Variants in NOL4L observed in about 807,000 individuals in gnomAD.
NOL4L encodes nucleolar protein 4-like.
In NOL4L, 7 loss-of-function variants were observed where a neutral mutation model predicts 64.5. That is an observed-to-expected ratio of 0.11 (90% CI 0.06 to 0.20). NOL4L has a LOEUF of 0.20. Among genes scored for constraint, NOL4L ranks in the 10% least tolerant of loss-of-function variants. NOL4L has a pLI of 1.00. For synonymous variants in NOL4L, 413 were observed against 401.0 expected (o/e 1.03, Z -0.36); for missense variants, 680 against 967.1 (o/e 0.70, Z 3.94).
intron 4 of NOL4L, among the ~76,000 whole-genome samples, chr20:32,494,998 C>T (rs571730560): frequency 2.0e-5 from 3 of 150,696 alleles, no homozygotes; most frequent in Admixed American, 6.6e-5. Context: ...TCCCATGTGG[C>T]CTTTTCTCTT....
At chr20:32,470,116 C>T (rs1379301416) in intron 5 of NOL4L, among the ~76,000 whole-genome samples, 6 of 152,268 alleles carry the variant, frequency 3.9e-5, no homozygotes, top group Non-Finnish European at 7.3e-5. Flanking sequence ...GCAGGCCCAG[C>T]GAGCAGACCC....
At position 32,488,601 on chromosome 20, in the gene NOL4L, T is replaced by C. The variant is rs1038568477; in HGVS notation, c.700-13859A>G. ...TCACTGCTTACTATTAGCAATCTCTTTTATCTCTGTCAATCTGAGGGAGGA... is the reference window on the plus strand; with the variant it reads ...TCACTGCTTACTATTAGCAATCTCTCTTATCTCTGTCAATCTGAGGGAGGA... On this transcript the variant is annotated intron_variant, in intron 4 of 10. Coordinates refer to ENST00000621426, the MANE Select transcript of NOL4L (RefSeq NM_001256798.2). Among the ~76,000 whole-genome samples the C allele has an allele frequency of 3.9e-5, 6 of 152,212 alleles. No individual in the cohort carries two copies. The East Asian group carries it at 1.2e-3, about 29-fold the overall frequency.
intron 1 of NOL4L, among the ~76,000 whole-genome samples, chr20:32,538,637 G>A (rs2018598610): frequency 6.6e-6 from 1 of 152,150 alleles, no homozygotes; most frequent in African/African-American, 2.4e-5. Flanking sequence ...GGCACCCCTG[G>A]GGCTGCTCCA....
chr20:32,525,912 C>T (rs988081255), intron 2 of NOL4L, among the ~76,000 whole-genome samples: 1 of 152,180 alleles, frequency 6.6e-6, no homozygotes, highest in African/African-American at 2.4e-5. Context: ...CATGCGCCAC[C>T]ATGCCCAGCT....
intron 6 of NOL4L, among the ~76,000 whole-genome samples, chr20:32,454,786 G>C (rs2013313270): frequency 6.6e-6 from 1 of 152,254 alleles, no homozygotes; most frequent in Non-Finnish European, 1.5e-5. Flanking sequence ...TCAGGGAACA[G>C]GTGGCGGTAT....
intron 4 of NOL4L, among the ~76,000 whole-genome samples, chr20:32,481,368 G>A (rs553388920): frequency 3.9e-5 from 6 of 152,320 alleles, no homozygotes; most frequent in African/African-American, 1.4e-4. Context: ...CAAAAGGAAG[G>A]CTGGAAGGGA....
At position 32,469,465 on chromosome 20, in the gene NOL4L, G is replaced by A. The variant is rs188441302; in HGVS notation, c.841+5136C>T. On this transcript the variant is annotated intron_variant, in intron 5 of 10. Transcript: ENST00000621426. ...CGGCTTACTGTAACCTCCGCCTCCC[G>A]GGTTCAAGCAATTCTCCTGCCTCAG... is the stretch of plus-strand genomic sequence containing the variant. 2.0e-3 allele frequency among the ~76,000 whole-genome samples: 309 copies of A among 151,372 alleles called. 1 individual carries two copies. The highest frequency in any genetic ancestry group is 6.9e-3 in the African/African-American group (284 of 41,198).
Position 32,526,503 on chromosome 20 carries a change from A to G in NOL4L, c.477+1255T>C, listed in dbSNP as rs1288148266. ...CAAGGACTAACCGGATGGTTGCATT[A>G]AAAAAAAAAAAAAAAAGATGGGCCA... On this transcript the variant is annotated intron_variant, in intron 2 of 10. Transcript: ENST00000621426. Among the ~76,000 whole-genome samples, 5 of 116,192 alleles carry G rather than the reference A, an allele frequency of 4.3e-5. No homozygotes were observed. In the East Asian group the frequency reaches 1.1e-3, roughly 25 times the overall value. 76.2% of individuals were successfully genotyped at this position (116,192 alleles called of 152,430 possible). A position where few individuals can be genotyped will look rare whatever the true frequency, so the allele number is the denominator to read the frequency against.
At chr20:32,503,944 C>T (rs1020496594) in intron 4 of NOL4L, among the ~76,000 whole-genome samples, 5 of 151,818 alleles carry the variant, frequency 3.3e-5, no homozygotes, top group Non-Finnish European at 5.9e-5. Context: ...TTGTAAATAC[C>T]CAATGCCATT....
chr20:32,467,066 G>C lies in NOL4L; in HGVS notation c.841+7535C>G, dbSNP rs548037922. Among the ~76,000 whole-genome samples, 26 of 152,280 alleles carry C rather than the reference G, an allele frequency of 1.7e-4. 1 individual carries two copies. In the South Asian group the frequency reaches 5.4e-3, roughly 32 times the overall value. On this transcript the variant is annotated intron_variant, in intron 5 of 10. Coordinates refer to ENST00000621426, the MANE Select transcript of NOL4L (RefSeq NM_001256798.2). Reference sequence around the variant, plus strand: ...GTCTCTGAGCCCGGGTGGCCTGGTCGTTACTCCCACCAGCTCCTTCCCCAT... The same window carrying C: ...GTCTCTGAGCCCGGGTGGCCTGGTCCTTACTCCCACCAGCTCCTTCCCCAT...
At chr20:32,527,713 C>T (rs1426065773) in intron 2 of NOL4L, 45 bp downstream of exon 2, 7 of 1,514,698 alleles carry the variant, frequency 4.6e-6, no homozygotes, top group Non-Finnish European at 6.2e-6. Context: ...GGCCTCCTGC[C>T]AAGGCCTGGG....
At chr20:32,578,141 A>AAGGAAGGAAGGAGGGAGGGT (rs1980238964) in intron 1 of NOL4L, among the ~76,000 whole-genome samples, 1 of 53,662 alleles carries the variant, frequency 1.9e-5, no homozygotes, top group Non-Finnish European at 3.2e-5. Flanking sequence ...GGAAGGAAGG[A>AAGGAAGGAAGGAGGGAGGGT]GGGAGGGAGG....
chr20:32,580,852 C>T (rs1230595152), intron 1 of NOL4L, among the ~76,000 whole-genome samples: 1 of 152,240 alleles, frequency 6.6e-6, no homozygotes, highest in Non-Finnish European at 1.5e-5. Context: ...CCCAGGGCCC[C>T]ACCTCAGCCG....
In NOL4L at chr20:32,456,251, TCGG is replaced by T. The variant is rs756958513; in HGVS notation, c.983_985del (p.Ala328del). On this transcript the variant is annotated inframe_deletion, in exon 6 of 11. Coordinates refer to ENST00000621426, the MANE Select transcript of NOL4L (RefSeq NM_001256798.2). ...GTCACACAGGTTGATGGGCTGATCC[TCGG>T]CGGCCGTGGTGAAGTCCATGGGGGC... The T allele has an allele frequency of 3.7e-6, 6 of 1,605,692 alleles. No individual in the cohort carries two copies. The African/African-American group carries it at 6.7e-5, about 18-fold the overall frequency.
intron 1 of NOL4L, among the ~76,000 whole-genome samples, chr20:32,552,377 A>AT (rs11478999): frequency 6.3e-4 from 93 of 148,250 alleles, no homozygotes; most frequent in East Asian, 9.8e-4. Flanking sequence ...TACTTGATTA[A>AT]TTTTTTTTTT....
At chr20:32,558,817 G>A (rs1343943783) in intron 1 of NOL4L, among the ~76,000 whole-genome samples, 1 of 152,232 alleles carries the variant, frequency 6.6e-6, no homozygotes, top group Non-Finnish European at 1.5e-5. Flanking sequence ...CTGATGATGT[G>A]TGATTTACGT....
At chr20:32,529,521 C>T (rs1026643368) in intron 1 of NOL4L, among the ~76,000 whole-genome samples, 4 of 152,196 alleles carry the variant, frequency 2.6e-5, no homozygotes, top group Non-Finnish European at 4.4e-5. Context: ...GCTCACAACA[C>T]GTTCTGGCAC....
intron 5 of NOL4L, among the ~76,000 whole-genome samples, chr20:32,462,911 A>AAAAAAAAAAAAAAAAC (rs1568611803): frequency 6.7e-6 from 1 of 150,360 alleles, no homozygotes; most frequent in Non-Finnish European, 1.5e-5. Flanking sequence ...CTTAAAAAAA[A>AAAAAAAAAAAAAAAAC]AAAAAAAAAA....
chr20:32,535,686 C>T (rs1025931066), intron 1 of NOL4L: 1 of 985,494 alleles, frequency 1.0e-6, no homozygotes, highest in Non-Finnish European at 1.2e-6. Context: ...ATGTCATCTC[C>T]TCCAAGCAGC....
Sources: gnomAD v4.1 joint callset for allele counts (sites outside exome capture counted in the v4.1 genomes callset) on GRCh38, gnomAD v4.1.1 for gene constraint, MANE v1.5 for transcripts, NCBI Gene and HGNC (gene_info 2026-07-23, HGNC 2026-07-21) for gene names.